SVIL: variants seen among roughly 807,000 people sequenced by gnomAD.
The protein encoded by SVIL is supervillin, also known as archvillin.
A neutral mutation model predicts 240.4 loss-of-function variants in SVIL; 101 were observed. The observed-to-expected ratio is 0.42, with a 90% CI of 0.36 to 0.50. The LOEUF (loss-of-function observed/expected upper bound fraction) is 0.50, where lower values mean the gene tolerates loss of function less well. Among genes scored for constraint, SVIL ranks in the 20% least tolerant of loss-of-function variants. The pLI is 0.01. For synonymous variants in SVIL, 999 were observed against 1,100.0 expected (o/e 0.91, Z 1.82); for missense variants, 2,512 against 2,818.7 (o/e 0.89, Z 2.46).
At chr10:29,736,198 T>C (rs1964893560), upstream of SVIL, among the ~76,000 whole-genome samples, 1 of 151,566 alleles carries the variant, frequency 6.6e-6, no homozygotes, top group Non-Finnish European at 1.5e-5. Context: ...GCCGACCCCC[T>C]CCACGGCCAG....
chr10:29,680,400 T>C (rs993301339), intron 2 of SVIL, among the ~76,000 whole-genome samples: 4 of 152,158 alleles, frequency 2.6e-5, no homozygotes, highest in Admixed American at 6.5e-5. Flanking sequence ...CCAGGTAGTA[T>C]GCAACACGAG....
intron 17 of SVIL, among the ~76,000 whole-genome samples, chr10:29,511,838 C>T (rs1458122301): frequency 2.0e-5 from 3 of 152,212 alleles, no homozygotes; most frequent in Non-Finnish European, 4.4e-5. Context: ...GTGCACATCT[C>T]ATTTTTATGT....
intron 34 of SVIL, among the ~76,000 whole-genome samples, chr10:29,464,923 G>A (rs2132282569): frequency 6.6e-6 from 1 of 152,334 alleles, no homozygotes; most frequent in East Asian, 1.9e-4. Context: ...TGAGGGCACA[G>A]AGCCCTGACC....
At chr10:29,546,999 C>T (rs753447558) in intron 6 of SVIL, among the ~76,000 whole-genome samples, 9 of 152,166 alleles carry the variant, frequency 5.9e-5, no homozygotes, top group Non-Finnish European at 1.2e-4. Flanking sequence ...TTTTCGGTTA[C>T]ATGTTTCCAT....
At chr10:29,647,736 G>T (rs1958707047) in intron 3 of SVIL, among the ~76,000 whole-genome samples, 1 of 151,986 alleles carries the variant, frequency 6.6e-6, no homozygotes, top group Admixed American at 6.6e-5. Context: ...TTCCTGTTCT[G>T]TGGTAAATTT....
At chr10:29,477,984 A>G (rs1946386942) in intron 29 of SVIL, among the ~76,000 whole-genome samples, 1 of 152,138 alleles carries the variant, frequency 6.6e-6, no homozygotes, top group African/African-American at 2.4e-5. Flanking sequence ...TTTTTTTCTC[A>G]TAACTAACAG....
At position 29,529,808 on chromosome 10, in the gene SVIL, T is replaced by C. The variant is rs372521942; in HGVS notation, c.2143A>G (p.Lys715Glu). The part of the protein sequence containing the change: ...EKSFDEQNVP[K>E]RRSRNTAVEQ... ...ACAGCTGTGTTTCTTGAGCGTCGCT[T>C]TGGAACATTTTGTTCATCAAAAGAT... Residue 715 changes from lysine (K) to glutamate (E), a missense_variant, in exon 12 of 38, where the codon AAG becomes GAG. By Grantham distance (56) the Lys-to-Glu change is moderately conservative. Coordinates refer to ENST00000355867, the MANE Select transcript of SVIL (RefSeq NM_021738.3). The C allele has an allele frequency of 3.1e-6, 5 of 1,612,320 alleles. No individual in the cohort carries two copies. The African/African-American group carries it at 6.7e-5, about 22-fold the overall frequency.
intron 1 of SVIL, among the ~76,000 whole-genome samples, chr10:29,709,926 A>G (rs1237328158): frequency 5.9e-5 from 9 of 152,138 alleles, no homozygotes; most frequent in African/African-American, 9.7e-5. Context: ...TGCTGCCTCA[A>G]TGGGCCACGG....
chr10:29,565,300 A>G (rs7078022), intron 2 of SVIL, among the ~76,000 whole-genome samples: 65,815 of 152,104 alleles, frequency 0.43, 14,331 homozygotes, highest in African/African-American at 0.47. Context: ...TTTACGAGTC[A>G]TCACCGGACA....
At chr10:29,629,433 C>G (rs370710618) in intron 1 of SVIL, among the ~76,000 whole-genome samples, 1 of 152,180 alleles carries the variant, frequency 6.6e-6, no homozygotes, top group Non-Finnish European at 1.5e-5. Flanking sequence ...TGTTGAATCT[C>G]TAAGTCCAGT....
chr10:29,538,814 G>A (rs746417280), intron 6 of SVIL, among the ~76,000 whole-genome samples: 25 of 152,270 alleles, frequency 1.6e-4, no homozygotes, highest in African/African-American at 3.6e-4. Context: ...ATTGGGATGC[G>A]ACCCCATTCT....
chr10:29,734,363 C>G (rs1409311593), intron 1 of SVIL, among the ~76,000 whole-genome samples: 2 of 152,184 alleles, frequency 1.3e-5, no homozygotes, highest in African/African-American at 4.8e-5. Flanking sequence ...ACACACCCAG[C>G]AGTCCATAAA....
chr10:29,525,179 A>G (rs930314491), intron 13 of SVIL, among the ~76,000 whole-genome samples: 1 of 152,188 alleles, frequency 6.6e-6, no homozygotes, highest in Admixed American at 6.5e-5. Context: ...GAAGGTCTTG[A>G]TTTTTACTTG....
chr10:29,535,905 A>G, intron 7 of SVIL, 84 bp downstream of exon 7: 1 of 1,371,030 alleles, frequency 7.3e-7, no homozygotes, highest in Non-Finnish European at 1.0e-6. Context: ...AGGCAAGAGG[A>G]GAGTGGGTGT....
In SVIL at chr10:29,458,077, T is replaced by A. The variant is rs1943760744; in HGVS notation, c.*170A>T. 3.0e-6 allele frequency: 2 copies of A among 658,954 alleles called. No individual in the cohort carries two copies. 40.8% of individuals were successfully genotyped at this position (658,954 alleles called of 1,614,324 possible). A position where few individuals can be genotyped will look rare whatever the true frequency, so the allele number is the denominator to read the frequency against. ...GTTTCCAAACAGTTCCCTTGAACAT[T>A]TACAAAATACACAACTCCGGGACAA... On this transcript the variant is annotated 3_prime_UTR_variant, in exon 38 of 38. Transcript: ENST00000355867.
intron 27 of SVIL, among the ~76,000 whole-genome samples, chr10:29,482,051 T>A (rs946877083): frequency 1.3e-4 from 18 of 142,530 alleles, no homozygotes; most frequent in Admixed American, 7.3e-5. Flanking sequence ...TTTTTAGAGA[T>A]AAGGTCTTGT....
At position 29,531,983 on chromosome 10, in the gene SVIL, T is replaced by C. The variant is rs1951402463; in HGVS notation, c.2009+19A>G. On this transcript the variant is annotated intron_variant, in intron 9 of 37. Coordinates refer to ENST00000355867, the MANE Select transcript of SVIL (RefSeq NM_021738.3). ...TTGCCACGTTCCTGGATGAGGAAAC[T>C]GCGCATACGCATGCCTACCTATCCG... 6.2e-7 allele frequency: 1 copy of C among 1,612,816 alleles called. No homozygotes were observed. The highest frequency in any genetic ancestry group is 1.3e-5 in the African/African-American group (1 of 74,888).
chr10:29,619,634 G>GTA (rs1564707686), intron 1 of SVIL, among the ~76,000 whole-genome samples: 1 of 151,740 alleles, frequency 6.6e-6, no homozygotes, highest in Non-Finnish European at 1.5e-5. Context: ...TTAAAGGCCA[G>GTA]CACACACATA....
chr10:29,520,929 A>G (rs1351864331), intron 16 of SVIL, among the ~76,000 whole-genome samples: 7 of 151,706 alleles, frequency 4.6e-5, no homozygotes, highest in Middle Eastern at 3.4e-3. Flanking sequence ...AAAAAAAAAA[A>G]AAAGAAAGAA....
Sources: gnomAD v4.1 joint callset for allele counts (sites outside exome capture counted in the v4.1 genomes callset) on GRCh38, gnomAD v4.1.1 for gene constraint, MANE v1.5 for transcripts, NCBI Gene and HGNC (gene_info 2026-07-23, HGNC 2026-07-21) for gene names.